The following CYP3A4 variants were observed in gnomAD, a reference collection of about 807,000 sequenced individuals.
CYP3A4 encodes cytochrome P450 3A4.
A neutral mutation model predicts 54.9 loss-of-function variants in CYP3A4; 41 were observed. That is an observed-to-expected ratio of 0.75 (90% CI 0.58 to 0.97). The LOEUF (loss-of-function observed/expected upper bound fraction) is 0.97. Ranked by LOEUF, CYP3A4 falls within the 50% of genes least tolerant of loss-of-function variation. The pLI is 0.00. For missense variants in CYP3A4, 510 were observed against 597.3 expected (o/e 0.85, Z 1.52); for synonymous variants, 179 against 205.2 (o/e 0.87, Z 1.09).
In CYP3A4 at chr7:99,757,490, A is replaced by G. The variant is rs1260547311; in HGVS notation, c.*643T>C. ...TGATCAAAAAAGGCATAATTAAACTATGAATATTCTTTCTAAACAATGGGC... is the reference window on the plus strand; with the variant it reads ...TGATCAAAAAAGGCATAATTAAACTGTGAATATTCTTTCTAAACAATGGGC... On this transcript the variant is annotated 3_prime_UTR_variant, in exon 13 of 13. Transcript: ENST00000651514. 1 of 152,780 alleles carries G rather than the reference A, an allele frequency of 6.5e-6. No individual in the cohort carries two copies. Among genetic ancestry groups the G allele is most frequent in the Non-Finnish European group, 1.5e-5 (1 of 68,512 alleles). The allele number at this position is 152,780 out of a possible 1,614,324, so 9.5% of individuals were successfully genotyped here. A position where few individuals can be genotyped will look rare whatever the true frequency, so the allele number is the denominator to read the frequency against.
chr7:99,773,816 AG>A (rs541107556), intron 3 of CYP3A4, among the ~76,000 whole-genome samples: 183 of 152,334 alleles, frequency 1.2e-3, no homozygotes, highest in African/African-American at 4.0e-3. Context: ...CAAATTCAAA[AG>A]CTAGCAGGAG....
chr7:99,759,611 GA>G (rs1815264595), intron 12 of CYP3A4, among the ~76,000 whole-genome samples: 1 of 152,152 alleles, frequency 6.6e-6, no homozygotes. Context: ...AAAATGAGAG[GA>G]TATTGTTAAT....
chr7:99,781,772 A>G (rs1264294875), intron 1 of CYP3A4, among the ~76,000 whole-genome samples: 5 of 152,230 alleles, frequency 3.3e-5, no homozygotes, highest in Non-Finnish European at 5.9e-5. Context: ...TCGAATGTCC[A>G]CATTCCCTCC....
intron 9 of CYP3A4, 23 bp downstream of exon 9, chr7:99,766,354 G>A (rs533521728): frequency 6.2e-7 from 1 of 1,612,592 alleles, no homozygotes; most frequent in South Asian, 1.1e-5. Flanking sequence ...CCCACAAGTA[G>A]CCCTCAGAAA....
chr7:99,774,657 A>C (rs1469677105), intron 3 of CYP3A4, among the ~76,000 whole-genome samples: 1 of 152,152 alleles, frequency 6.6e-6, no homozygotes, highest in Non-Finnish European at 1.5e-5. Context: ...CATGCTAAAA[A>C]CTCTGAATAA....
chr7:99,768,862 A>C lies in CYP3A4; in HGVS notation c.522-360T>G, dbSNP rs1479678173. ...TCAGCAGAACAAGAGTAGAATAATT[A>C]ACTCTTCCTAAGGGGCTCAAGACAG... On this transcript the variant is annotated intron_variant, in intron 6 of 12. Transcript: ENST00000651514. Among the ~76,000 whole-genome samples the C allele has an allele frequency of 3.3e-5, 5 of 152,312 alleles. No individual in the cohort carries two copies. The East Asian group carries it at 9.6e-4, about 29-fold the overall frequency.
chr7:99,776,679 C>G (rs1337699121), intron 3 of CYP3A4, among the ~76,000 whole-genome samples: 1 of 152,016 alleles, frequency 6.6e-6, no homozygotes, highest in Non-Finnish European at 1.5e-5. Context: ...ACATCACACA[C>G]TGGGGCCTGT....
chr7:99,778,344 C>G (rs1293498467), intron 2 of CYP3A4, among the ~76,000 whole-genome samples: 1 of 152,156 alleles, frequency 6.6e-6, no homozygotes, highest in Non-Finnish European at 1.5e-5. Flanking sequence ...ACCTCTTTGT[C>G]TTTCTGATGT....
chr7:99,760,794 T>C (rs762990935), intron 12 of CYP3A4, 25 bp downstream of exon 12: 1 of 1,611,216 alleles, frequency 6.2e-7, no homozygotes, highest in Admixed American at 1.7e-5. Flanking sequence ...TAATACAACA[T>C]TATTTTTATA....
intron 4 of CYP3A4, among the ~76,000 whole-genome samples, chr7:99,770,708 A>T (rs1815610357): frequency 6.6e-6 from 1 of 151,972 alleles, no homozygotes. Context: ...TGATGGTTTT[A>T]AAAAAAATAG....
chr7:99,783,477 A>G (rs1004523610), intron 1 of CYP3A4, among the ~76,000 whole-genome samples: 9 of 152,162 alleles, frequency 5.9e-5, no homozygotes, highest in Admixed American at 6.5e-5. Flanking sequence ...ATGCTATCCC[A>G]AAACCCTTCT....
In CYP3A4 at chr7:99,762,149, T is replaced by G; in HGVS notation, c.1145A>C (p.Glu382Ala). The G allele has an allele frequency of 6.2e-7, 1 of 1,614,096 alleles. No homozygotes were observed. Reference protein sequence around the residue: ...RLERVCKKDVEINGMFIPKGV... With the variant: ...RLERVCKKDVAINGMFIPKGV... ...TTTGGGAATGAACATCCCATTGATC[T>G]CAACATCTTTTTTGCAGACCCTCTC... The change falls in exon 11 of 13, where the codon GAG becomes GCG. Residue 382 changes from glutamate to alanine, a missense_variant. By Grantham distance (107) the Glu-to-Ala change is moderately radical. This residue lies in a region of CYP3A4 where 238 missense variants were observed against 322.5 expected (regional missense o/e 0.74). Coordinates refer to ENST00000651514, the MANE Select transcript of CYP3A4 (RefSeq NM_017460.6).
chr7:99,779,414 G>A (rs1428304404), intron 2 of CYP3A4, among the ~76,000 whole-genome samples: 2 of 152,188 alleles, frequency 1.3e-5, no homozygotes, highest in Non-Finnish European at 2.9e-5. Flanking sequence ...GTCATGGGGA[G>A]TAAGAGCTGG....
chr7:99,777,852 T>G (rs1815810800), intron 3 of CYP3A4, among the ~76,000 whole-genome samples, 176 bp downstream of exon 3: 1 of 152,168 alleles, frequency 6.6e-6, no homozygotes, highest in African/African-American at 2.4e-5. Context: ...AGATTCCCAT[T>G]GCAATACTCT....
At chr7:99,781,918 C>T (rs1233495188) in intron 1 of CYP3A4, among the ~76,000 whole-genome samples, 3 of 152,168 alleles carry the variant, frequency 2.0e-5, no homozygotes, top group East Asian at 1.9e-4. Flanking sequence ...TGTACAAATC[C>T]GGTGACTGTG....
intron 3 of CYP3A4, among the ~76,000 whole-genome samples, chr7:99,774,450 C>T (rs1815709257): frequency 6.6e-6 from 1 of 152,156 alleles, no homozygotes; most frequent in African/African-American, 2.4e-5. Flanking sequence ...CAATAAAATA[C>T]TGGCAAATCA....
rs1815211057 is a variant in CYP3A4, at chr7:99,757,692, T to C, written c.*441A>G. On this transcript the variant is annotated 3_prime_UTR_variant, in exon 13 of 13. Transcript: ENST00000651514. ...ATCTGATAATACTTTTGTAAAGTGG[T>C]CTTTATTGATTTAACATAAAACTTA... The C allele has an allele frequency of 1.2e-5, 2 of 166,414 alleles. No individual in the cohort carries two copies. The highest frequency in any genetic ancestry group is 4.8e-5 in the African/African-American group (2 of 41,576). 10.3% of individuals were successfully genotyped at this position (166,414 alleles called of 1,614,324 possible).
At chr7:99,781,928 G>A (rs955271068) in intron 1 of CYP3A4, among the ~76,000 whole-genome samples, 5 of 152,222 alleles carry the variant, frequency 3.3e-5, no homozygotes, top group African/African-American at 1.2e-4. Context: ...CGGTGACTGT[G>A]ATAATATGTG....
chr7:99,774,205 C>T (rs1815700863), intron 3 of CYP3A4, among the ~76,000 whole-genome samples: 1 of 151,976 alleles, frequency 6.6e-6, no homozygotes, highest in Non-Finnish European at 1.5e-5. Context: ...TATTAATAGG[C>T]TACCAACCAA....
Sources: gnomAD v4.1 joint callset for allele counts (sites outside exome capture counted in the v4.1 genomes callset) on GRCh38, gnomAD v4.1.1 for gene constraint, gnomAD v4.1.1 regional missense constraint, MANE v1.5 for transcripts, NCBI Gene and HGNC (gene_info 2026-07-23, HGNC 2026-07-21) for gene names.